OBI1: variants seen among roughly 807,000 people sequenced by gnomAD.
OBI1 encodes the protein ring finger protein 219.
OBI1 carries 59 observed loss-of-function variants against 62.4 expected under a neutral mutation model. The ratio of observed to expected loss-of-function variants is 0.95; its 90% CI spans 0.77 to 1.17. OBI1 has a LOEUF of 1.17. OBI1 is among the 50% of genes most tolerant of loss of function. OBI1 has a pLI of 0.00. For missense variants in OBI1, 875 were observed against 830.9 expected, an observed-to-expected ratio of 1.05 and a Z score of -0.65; for synonymous variants, 302 against 292.8, an observed-to-expected ratio of 1.03 and a Z score of -0.32.
intron 5 of OBI1, among the ~76,000 whole-genome samples, chr13:78,631,426 CA>C (rs1450909178): frequency 6.6e-6 from 1 of 152,082 alleles, no homozygotes; most frequent in Non-Finnish European, 1.5e-5. Flanking sequence ...GCATCTAGCA[CA>C]ATGTTAAGTA....
chr13:78,639,823 C>A (rs1391393628), intron 3 of OBI1, among the ~76,000 whole-genome samples: 5 of 132,910 alleles, frequency 3.8e-5, no homozygotes, highest in Admixed American at 1.7e-4. Flanking sequence ...AGGGGAATAT[C>A]ACACTCTGGG....
chr13:78,648,056 G>A (rs974876921), intron 1 of OBI1, among the ~76,000 whole-genome samples: 2 of 151,838 alleles, frequency 1.3e-5, no homozygotes, highest in Non-Finnish European at 2.9e-5. Context: ...AGGAGTGAAC[G>A]CTTATCTATA....
chr13:78,620,528 T>G, intron 5 of OBI1: 1 of 437,266 alleles, frequency 2.3e-6, no homozygotes, highest in Non-Finnish European at 4.6e-6. Flanking sequence ...GAGCTACAAT[T>G]GATATCGGAA....
intron 5 of OBI1, among the ~76,000 whole-genome samples, chr13:78,619,172 A>G (rs1244242422): frequency 6.6e-6 from 1 of 152,062 alleles, no homozygotes; most frequent in African/African-American, 2.4e-5. Flanking sequence ...CTACCAAAGG[A>G]TATCTTTGGG....
At chr13:78,634,023 G>T (rs112968153) in intron 5 of OBI1, among the ~76,000 whole-genome samples, 22 of 150,472 alleles carry the variant, frequency 1.5e-4, no homozygotes, top group African/African-American at 5.1e-4. Flanking sequence ...AGCCGAGATC[G>T]CGCCACTGCA....
At chr13:78,651,968 A>G (rs1876558593) in intron 1 of OBI1, among the ~76,000 whole-genome samples, 1 of 152,206 alleles carries the variant, frequency 6.6e-6, no homozygotes, top group South Asian at 2.1e-4. Flanking sequence ...TAAAAAAGCA[A>G]AAGTTTAACC....
intron 5 of OBI1, among the ~76,000 whole-genome samples, chr13:78,629,201 C>G (rs192372809): frequency 2.0e-4 from 31 of 152,106 alleles, no homozygotes; most frequent in Non-Finnish European, 4.1e-4. Context: ...TAATGACAAG[C>G]CTTGGGGTTG....
chr13:78,626,889 A>AC (rs1875684886), intron 5 of OBI1, among the ~76,000 whole-genome samples: 1 of 152,074 alleles, frequency 6.6e-6, no homozygotes, highest in Non-Finnish European at 1.5e-5. Context: ...ACACAGTGAA[A>AC]CCCCATCTCT....
intron 1 of OBI1, among the ~76,000 whole-genome samples, chr13:78,655,103 C>T (rs545049283): frequency 1.3e-5 from 2 of 152,278 alleles, no homozygotes; most frequent in South Asian, 2.1e-4. Flanking sequence ...AAACCAACTG[C>T]GGGCCACATT....
chr13:78,657,368 GTAA>G (rs1425184078), intron 1 of OBI1, among the ~76,000 whole-genome samples: 2 of 151,826 alleles, frequency 1.3e-5, no homozygotes, highest in Non-Finnish European at 2.9e-5. Flanking sequence ...AAGACAAATG[GTAA>G]TAATGATAGA....
chr13:78,622,712 C>CTT (rs1370258889), intron 5 of OBI1, among the ~76,000 whole-genome samples: 1 of 152,180 alleles, frequency 6.6e-6, no homozygotes, highest in Non-Finnish European at 1.5e-5. Context: ...CCTAACTCCT[C>CTT]TTTTTGATTA....
At position 78,639,056 on chromosome 13, in the gene OBI1, A is replaced by AAC; in HGVS notation, c.314_315dup (p.Leu106ValfsTer6). The AAC allele has an allele frequency of 6.2e-7, 1 of 1,612,984 alleles. No individual in the cohort carries two copies. Among genetic ancestry groups the AAC allele is most frequent in the Non-Finnish European group, 8.5e-7 (1 of 1,179,656 alleles). On this transcript the variant is annotated frameshift_variant, in exon 4 of 6. Coordinates refer to ENST00000282003, the MANE Select transcript of OBI1 (RefSeq NM_024546.4). LOFTEE classifies it high-confidence loss of function. ...TTAAGCTCTTCTACTTCTTTCTGTA[A>AAC]ACAATCTATTTCGTCCTGAAAAAGC...
intron 1 of OBI1, 77 bp downstream of exon 1, chr13:78,658,972 C>G (rs1446183259): frequency 7.3e-7 from 1 of 1,361,392 alleles, no homozygotes; most frequent in Non-Finnish European, 1.0e-6. Flanking sequence ...TCCCCGCCCC[C>G]GCACGAGACG....
intron 5 of OBI1, among the ~76,000 whole-genome samples, chr13:78,631,710 A>C (rs1875857695): frequency 6.6e-6 from 1 of 152,170 alleles, no homozygotes. Flanking sequence ...TATTAGGACA[A>C]ATGAATTTTT....
At chr13:78,630,557 TATA>T (rs1875815407) in intron 5 of OBI1, among the ~76,000 whole-genome samples, 1 of 152,102 alleles carries the variant, frequency 6.6e-6, no homozygotes, top group African/African-American at 2.4e-5. Flanking sequence ...GAGGTGATGG[TATA>T]ATATTTAAAG....
intron 5 of OBI1, chr13:78,620,687 TAA>T (rs1176444469): frequency 7.0e-5 from 32 of 455,866 alleles, no homozygotes; most frequent in Non-Finnish European, 5.7e-5. Context: ...CTGTCCCTAG[TAA>T]AAGAGAAATG....
At chr13:78,634,283 G>A (rs140597260) in intron 5 of OBI1, among the ~76,000 whole-genome samples, 8 of 151,528 alleles carry the variant, frequency 5.3e-5, no homozygotes, top group East Asian at 2.1e-4. Flanking sequence ...GGCTATTTAA[G>A]GTCAAATGAT....
intron 5 of OBI1, among the ~76,000 whole-genome samples, chr13:78,624,128 T>C (rs972888371): frequency 3.9e-5 from 6 of 152,208 alleles, no homozygotes; most frequent in Non-Finnish European, 7.4e-5. Context: ...AAAAACTAAA[T>C]GCAAAATTTT....
intron 5 of OBI1, among the ~76,000 whole-genome samples, chr13:78,623,301 T>C (rs1875568445): frequency 6.6e-6 from 1 of 150,514 alleles, no homozygotes; most frequent in South Asian, 2.1e-4. Context: ...AGTGAACTTT[T>C]GGCTGGAATT....
Sources: gnomAD v4.1 joint callset for allele counts (sites outside exome capture counted in the v4.1 genomes callset) on GRCh38, gnomAD v4.1.1 for gene constraint, MANE v1.5 for transcripts, NCBI Gene and HGNC (gene_info 2026-07-23, HGNC 2026-07-21) for gene names.